The following GPATCH2 variants were observed in gnomAD, a reference collection of about 807,000 sequenced individuals.
GPATCH2 encodes G-patch domain containing 2.
In GPATCH2, 51 loss-of-function variants were observed where a neutral mutation model predicts 58.0. The ratio of observed to expected loss-of-function variants is 0.88; its 90% CI spans 0.70 to 1.11. The LOEUF (loss-of-function observed/expected upper bound fraction) is 1.11. Ranked by LOEUF, GPATCH2 falls within the 50% of genes most tolerant of loss-of-function variation. The pLI, the probability that GPATCH2 is intolerant of heterozygous loss-of-function variation, is 0.00. For missense variants in GPATCH2, 625 were observed against 652.2 expected (o/e 0.96, Z 0.45); for synonymous variants, 222 against 218.5 (o/e 1.02, Z -0.14).
At chr1:217,433,288 T>C (rs1277741735) in intron 9 of GPATCH2, among the ~76,000 whole-genome samples, 2 of 151,288 alleles carry the variant, frequency 1.3e-5, no homozygotes, top group African/African-American at 2.4e-5. Flanking sequence ...CTCCAGAGTA[T>C]AGTAGTGTTC....
At chr1:217,435,790 T>C (rs1571694547) in intron 9 of GPATCH2, among the ~76,000 whole-genome samples, 1 of 152,302 alleles carries the variant, frequency 6.6e-6, no homozygotes, top group South Asian at 2.1e-4. Context: ...AGAACAGCAT[T>C]AAGCACAGTT....
intron 5 of GPATCH2, among the ~76,000 whole-genome samples, chr1:217,517,207 T>C (rs1164227229): frequency 2.0e-5 from 3 of 152,216 alleles, no homozygotes; most frequent in Non-Finnish European, 4.4e-5. Context: ...ACCTAGTACA[T>C]GATCCCTTTA....
At chr1:217,534,897 G>C (rs922609733) in intron 5 of GPATCH2, among the ~76,000 whole-genome samples, 1 of 152,212 alleles carries the variant, frequency 6.6e-6, no homozygotes, top group Non-Finnish European at 1.5e-5. Flanking sequence ...AAGTCATACT[G>C]TCTTGTTCAA....
intron 5 of GPATCH2, among the ~76,000 whole-genome samples, chr1:217,533,694 C>CTTGATA (rs1319193795): frequency 6.6e-6 from 1 of 152,160 alleles, no homozygotes; most frequent in African/African-American, 2.4e-5. Flanking sequence ...TATGTTTTCT[C>CTTGATA]TTGATATTTA....
chr1:217,620,118 A>G lies in GPATCH2; in HGVS notation c.438T>C (p.Ser146=). 6.2e-7 allele frequency: 1 copy of G among 1,614,150 alleles called. No individual in the cohort carries two copies. The highest frequency in any genetic ancestry group is 8.5e-7 in the Non-Finnish European group (1 of 1,180,018). The change falls in exon 2 of 10, where the codon TCT becomes TCC. Residue 146 remains serine, a synonymous_variant. Coordinates refer to ENST00000366935, the MANE Select transcript of GPATCH2 (RefSeq NM_018040.5). ...VRGKRPLWHE[S]DFAVDNVGNR... ...TCCCAACATTGTCCACAGCAAAATC[A>G]GACTCATGCCATAGAGGTCTTTTCC... is the stretch of plus-strand genomic sequence containing the variant.
At chr1:217,517,403 C>T (rs541410766) in intron 5 of GPATCH2, among the ~76,000 whole-genome samples, 8 of 151,900 alleles carry the variant, frequency 5.3e-5, no homozygotes, top group Middle Eastern at 3.4e-3. Flanking sequence ...ACAATGAGAA[C>T]CTTTTGCTAC....
chr1:217,524,261 G>T lies in GPATCH2; in HGVS notation c.1099-9372C>A, dbSNP rs1312228614. Among the ~76,000 whole-genome samples the T allele has an allele frequency of 4.6e-4, 67 of 145,778 alleles. 1 individual carries two copies. The highest frequency in any genetic ancestry group is 1.6e-3 in the African/African-American group (63 of 39,844). On this transcript the variant is annotated intron_variant, in intron 5 of 9. Transcript: ENST00000366935. ...CAGAGGGTCTCCTCACTTCTCAGAC[G>T]GGGCGGCCGGGCAGAGACGCTCCTC...
At chr1:217,577,364 C>A (rs973193388) in intron 5 of GPATCH2, among the ~76,000 whole-genome samples, 14 of 152,094 alleles carry the variant, frequency 9.2e-5, no homozygotes, top group Admixed American at 2.0e-4. Flanking sequence ...TCTATGGAGA[C>A]CTAGTTTCAA....
intron 2 of GPATCH2, among the ~76,000 whole-genome samples, chr1:217,618,049 A>G (rs2102833606): frequency 6.6e-6 from 1 of 152,232 alleles, no homozygotes; most frequent in African/African-American, 2.4e-5. Context: ...ATGTTATATC[A>G]GCTGCCACAT....
intron 9 of GPATCH2, among the ~76,000 whole-genome samples, chr1:217,442,465 ATGT>A (rs1416318838): frequency 6.6e-6 from 1 of 152,232 alleles, no homozygotes; most frequent in Admixed American, 6.5e-5. Context: ...CGTTCTGCAC[ATGT>A]ATGCCAGAAC....
At chr1:217,626,990 A>T (rs1285992865) in intron 1 of GPATCH2, among the ~76,000 whole-genome samples, 1 of 152,052 alleles carries the variant, frequency 6.6e-6, no homozygotes, top group African/African-American at 2.4e-5. Flanking sequence ...CTAGGGAAAA[A>T]AAAAAGGCTG....
intron 1 of GPATCH2, among the ~76,000 whole-genome samples, chr1:217,624,289 G>A (rs1363970952): frequency 6.6e-6 from 1 of 152,106 alleles, no homozygotes; most frequent in Non-Finnish European, 1.5e-5. Context: ...AGGCTGAGGC[G>A]GCAGGATCAC....
chr1:217,599,925 A>G (rs1276984009), intron 5 of GPATCH2, among the ~76,000 whole-genome samples: 2 of 152,190 alleles, frequency 1.3e-5, no homozygotes, highest in African/African-American at 2.4e-5. Context: ...GTTTTTAAAG[A>G]ACAGTTTCTA....
In GPATCH2 at chr1:217,427,612, A is replaced by AT. The variant is rs1571683206; in HGVS notation, c.*3532_*3533insA. 6.6e-6 allele frequency: 1 copy of AT among 152,018 alleles called. No individual in the cohort carries two copies. Among genetic ancestry groups the AT allele is most frequent in the Non-Finnish European group, 1.5e-5 (1 of 67,978 alleles). 9.4% of individuals were successfully genotyped at this position (152,018 alleles called of 1,614,324 possible). A position where few individuals can be genotyped will look rare whatever the true frequency, so the allele number is the denominator to read the frequency against. ...TCTACCAAAAGAAAAAATAAAAAAA[A>AT]ATATTCTTTGCTAACAATTTCTTTA... On this transcript the variant is annotated 3_prime_UTR_variant, in exon 10 of 10. Transcript: ENST00000366935.
chr1:217,551,252 A>G lies in GPATCH2; in HGVS notation c.1099-36363T>C, dbSNP rs112970178. Among the ~76,000 whole-genome samples the G allele has an allele frequency of 4.3e-3, 660 of 152,214 alleles. 5 individuals are homozygous for G. The highest frequency in any genetic ancestry group is 0.015 in the African/African-American group (630 of 41,566). Reference sequence around the variant, plus strand: ...TAGGCCTGCACCGGCATTCTATTTGATGCAAATGTTACTAAACACACAGGC... The same window carrying G: ...TAGGCCTGCACCGGCATTCTATTTGGTGCAAATGTTACTAAACACACAGGC... On this transcript the variant is annotated intron_variant, in intron 5 of 9. Transcript: ENST00000366935.
chr1:217,534,553 A>G (rs1664369736), intron 5 of GPATCH2, among the ~76,000 whole-genome samples: 1 of 144,160 alleles, frequency 6.9e-6, no homozygotes, highest in Non-Finnish European at 1.5e-5. Context: ...TCTTCCATTT[A>G]TAAAATTACT....
At chr1:217,564,725 C>A (rs1283681212) in intron 5 of GPATCH2, among the ~76,000 whole-genome samples, 1 of 152,142 alleles carries the variant, frequency 6.6e-6, no homozygotes, top group Non-Finnish European at 1.5e-5. Flanking sequence ...GTGTCTGCTT[C>A]TTTCATTAAG....
intron 1 of GPATCH2, 116 bp downstream of exon 1, chr1:217,630,800 A>T (rs763489474): frequency 6.5e-5 from 47 of 721,736 alleles, no homozygotes; most frequent in Non-Finnish European, 1.1e-4. Context: ...CAAGGCCTAG[A>T]TGTCTTCAGA....
At chr1:217,467,279 TC>T (rs1660506050) in intron 8 of GPATCH2, among the ~76,000 whole-genome samples, 1 of 152,102 alleles carries the variant, frequency 6.6e-6, no homozygotes, top group African/African-American at 2.4e-5. Context: ...TGATTGTGGA[TC>T]CCATGAGTAT....
Sources: allele counts gnomAD v4.1 joint callset (sites outside exome capture counted in the v4.1 genomes callset), GRCh38; gene constraint gnomAD v4.1.1; transcripts MANE v1.5; gene names NCBI Gene and HGNC (gene_info 2026-07-23, HGNC 2026-07-21).